GRIP1: variants seen among roughly 807,000 people sequenced by gnomAD.
GRIP1 encodes the protein glutamate receptor interacting protein 1, also known as glutamate receptor-interacting protein 1.
In GRIP1, 45 loss-of-function variants were observed where a neutral mutation model predicts 129.9. That is an observed-to-expected ratio of 0.35 (90% CI 0.27 to 0.44). The LOEUF (loss-of-function observed/expected upper bound fraction) is 0.44, where lower values mean the gene tolerates loss of function less well. Among genes scored for constraint, GRIP1 ranks in the 20% least tolerant of loss-of-function variants. The pLI is 1.00. For synonymous variants in GRIP1, 530 were observed against 520.8 expected, an observed-to-expected ratio of 1.02 and a Z score of -0.24; for missense variants, 1,196 against 1,396.8, an observed-to-expected ratio of 0.86 and a Z score of 2.29.
chr12:66,482,841 A>AAATCTTCTG (rs2059843929), intron 7 of GRIP1, among the ~76,000 whole-genome samples: 1 of 152,198 alleles, frequency 6.6e-6, no homozygotes, highest in Admixed American at 6.5e-5. Flanking sequence ...CCTAGACAGA[A>AAATCTTCTG]GATTAGTTTA....
intron 1 of GRIP1, among the ~76,000 whole-genome samples, chr12:66,822,209 C>T (rs2039333483): frequency 6.6e-6 from 1 of 152,214 alleles, no homozygotes; most frequent in African/African-American, 2.4e-5. Context: ...GTGGCTTCGC[C>T]AATCTGTCTT....
At chr12:66,487,547 C>A (rs1264907062) in intron 7 of GRIP1, among the ~76,000 whole-genome samples, 2 of 152,102 alleles carry the variant, frequency 1.3e-5, no homozygotes, top group Non-Finnish European at 2.9e-5. Flanking sequence ...AATACACAGA[C>A]CAGTGATACT....
At chr12:66,669,887 T>G (rs890736707) in intron 1 of GRIP1, among the ~76,000 whole-genome samples, 4 of 152,210 alleles carry the variant, frequency 2.6e-5, no homozygotes, top group Admixed American at 6.5e-5. Context: ...AATGATGAAT[T>G]GTTAGTATTC....
chr12:66,596,408 G>A (rs1365463275), intron 2 of GRIP1, among the ~76,000 whole-genome samples: 3 of 152,160 alleles, frequency 2.0e-5, no homozygotes, highest in African/African-American at 4.8e-5. Context: ...CTGTCCAATG[G>A]AAGCAAACTC....
chr12:66,806,230 G>A (rs2038990643), upstream of GRIP1, among the ~76,000 whole-genome samples: 1 of 152,054 alleles, frequency 6.6e-6, no homozygotes, highest in Non-Finnish European at 1.5e-5. Flanking sequence ...GTTTGTCCAA[G>A]ATCACAAAGC....
chr12:66,627,715 C>T (rs1434991524), intron 1 of GRIP1, among the ~76,000 whole-genome samples: 1 of 152,154 alleles, frequency 6.6e-6, no homozygotes, highest in Non-Finnish European at 1.5e-5. Context: ...ACTGGATCCC[C>T]TGGGTGTAGT....
chr12:66,379,117 C>A (rs2055970797), intron 20 of GRIP1, among the ~76,000 whole-genome samples, 163 bp downstream of exon 20: 1 of 152,214 alleles, frequency 6.6e-6, no homozygotes, highest in African/African-American at 2.4e-5. Flanking sequence ...TGCCACTGGT[C>A]AGGCAGCTTT....
At chr12:66,457,806 G>A (rs2059012479) in intron 9 of GRIP1, among the ~76,000 whole-genome samples, 1 of 152,138 alleles carries the variant, frequency 6.6e-6, no homozygotes, top group African/African-American at 2.4e-5. Context: ...CTGGGTTTCA[G>A]CTCTGCCTCC....
In GRIP1 at chr12:66,859,276, CAAAAAAACAAAAAAACAAAAAAACAAA is replaced by C. The variant is rs1404817805; in HGVS notation, c.58+209747_58+209773del. On this transcript the variant is annotated intron_variant, in intron 1 of 1. Transcript: ENST00000643019. ...CATTTTCTGAAAAAAAACAAAAAAA[CAAAAAAACAAAAAAACAAAAAAACAAA>C]AAAAAACCAGTATTAGCCATCACAG... is the stretch of plus-strand genomic sequence containing the variant. Among the ~76,000 whole-genome samples the C allele has an allele frequency of 8.3e-4, 9 of 10,884 alleles. 1 individual carries two copies. The highest frequency in any genetic ancestry group is 8.8e-3 in the South Asian group (1 of 114). The allele number at this position is 10,884 out of a possible 152,430, so 7.1% of individuals were successfully genotyped here. A position where few individuals can be genotyped will look rare whatever the true frequency, so the allele number is the denominator to read the frequency against.
In GRIP1 at chr12:66,565,555, C is replaced by G. The variant is rs367966388; in HGVS notation, c.137-23605G>C. On this transcript the variant is annotated intron_variant, in intron 2 of 24. Coordinates refer to ENST00000359742, the MANE Select transcript of GRIP1 (RefSeq NM_001366722.1). ...TGTAGTATAGTTTGAAGTCAGGTAGCGTGATGCCTCCAGCTTTGTTCTTTT... is the reference window on the plus strand; with the variant it reads ...TGTAGTATAGTTTGAAGTCAGGTAGGGTGATGCCTCCAGCTTTGTTCTTTT... Among the ~76,000 whole-genome samples, 3 of 152,046 alleles carry G rather than the reference C, an allele frequency of 2.0e-5. No homozygotes were observed. The South Asian group carries it at 6.2e-4, about 32-fold the overall frequency.
chr12:66,983,017 G>A (rs771309468), intron 1 of GRIP1, among the ~76,000 whole-genome samples: 24 of 152,104 alleles, frequency 1.6e-4, no homozygotes, highest in Non-Finnish European at 2.5e-4. Flanking sequence ...TTAGCTTCTG[G>A]CACTTTTCCC....
chr12:66,810,675 C>T (rs1361936449), intron 1 of GRIP1, among the ~76,000 whole-genome samples: 1 of 152,148 alleles, frequency 6.6e-6, no homozygotes, highest in Non-Finnish European at 1.5e-5. Flanking sequence ...TTTCAGCCAC[C>T]ATCCACGAAA....
chr12:67,066,667 T>C lies in GRIP1; in HGVS notation c.58+2383A>G, dbSNP rs118040387. On this transcript the variant is annotated intron_variant, in intron 1 of 1. Coordinates refer to the GRIP1 transcript ENST00000643019. ...TCCTGACCAACCTGACAGTTTAATC[T>C]TTTTGTTTATATTTAAAAGAATCCA... Among the ~76,000 whole-genome samples, 320 of 152,140 alleles carry C rather than the reference T, an allele frequency of 2.1e-3. 1 individual carries two copies. Among genetic ancestry groups the C allele is most frequent in the Non-Finnish European group, 3.7e-3 (254 of 67,966 alleles).
At chr12:66,823,029 T>C (rs895597523) in intron 1 of GRIP1, among the ~76,000 whole-genome samples, 3 of 152,186 alleles carry the variant, frequency 2.0e-5, no homozygotes, top group Non-Finnish European at 4.4e-5. Flanking sequence ...CCAAAGCTAG[T>C]AACACAGAAA....
intron 7 of GRIP1, among the ~76,000 whole-genome samples, chr12:66,484,138 C>T (rs1340179340): frequency 3.3e-5 from 5 of 152,114 alleles, no homozygotes; most frequent in Admixed American, 1.3e-4. Context: ...GGATTACAGG[C>T]GTGAGCCACT....
intron 7 of GRIP1, among the ~76,000 whole-genome samples, chr12:66,505,729 A>ATAC (rs1180199154): frequency 5.9e-5 from 9 of 152,230 alleles, no homozygotes; most frequent in Admixed American, 3.9e-4. Context: ...GTTTGTTGGA[A>ATAC]TGTATAGCTT....
intron 7 of GRIP1, among the ~76,000 whole-genome samples, chr12:66,491,312 G>A (rs1376123391): frequency 6.6e-6 from 1 of 152,134 alleles, no homozygotes; most frequent in African/African-American, 2.4e-5. Flanking sequence ...GTTCTTTGCA[G>A]GGACATGGTT....
intron 2 of GRIP1, among the ~76,000 whole-genome samples, chr12:66,594,647 G>A (rs2063977326): frequency 6.6e-6 from 1 of 152,016 alleles, no homozygotes; most frequent in South Asian, 2.1e-4. Flanking sequence ...GTCCAGGAGT[G>A]GTCAGGAGAC....
intron 1 of GRIP1, among the ~76,000 whole-genome samples, chr12:66,906,735 G>A (rs10878532): frequency 0.26 from 39,787 of 151,960 alleles, 5,601 homozygotes; most frequent in East Asian, 0.45. Flanking sequence ...GTGTTTATTG[G>A]GCACCTACTA....
Sources: gnomAD v4.1 joint callset for allele counts (sites outside exome capture counted in the v4.1 genomes callset) on GRCh38, gnomAD v4.1.1 for gene constraint, MANE v1.5 for transcripts, NCBI Gene and HGNC (gene_info 2026-07-23, HGNC 2026-07-21) for gene names.